The following CSMD3 variants were observed in gnomAD, a reference collection of about 807,000 sequenced individuals.
CSMD3 encodes the protein CUB and sushi domain-containing protein 3.
A neutral mutation model predicts 435.2 loss-of-function variants in CSMD3; 177 were observed. The observed-to-expected ratio is 0.41, with a 90% CI of 0.36 to 0.46. The LOEUF (loss-of-function observed/expected upper bound fraction) is 0.46. Ranked by LOEUF, CSMD3 falls within the 20% of genes least tolerant of loss-of-function variation. The pLI is 0.34. For missense variants in CSMD3, 4,265 were observed against 4,504.6 expected (o/e 0.95, Z 1.52); for synonymous variants, 1,656 against 1,520.5 (o/e 1.09, Z -2.07).
chr8:112,928,117 T>C (rs929578309), intron 9 of CSMD3, among the ~76,000 whole-genome samples: 6 of 152,242 alleles, frequency 3.9e-5, no homozygotes, highest in African/African-American at 1.2e-4. Flanking sequence ...CCTCTACTTA[T>C]ATACTTCTAT....
intron 13 of CSMD3, among the ~76,000 whole-genome samples, chr8:112,693,559 C>G (rs1177480153): frequency 1.3e-5 from 2 of 151,812 alleles, no homozygotes; most frequent in African/African-American, 4.8e-5. Flanking sequence ...TTAATCTGCC[C>G]CTTCTCCTCC....
chr8:113,168,592 G>A (rs1191089931), intron 4 of CSMD3, among the ~76,000 whole-genome samples: 2 of 136,884 alleles, frequency 1.5e-5, no homozygotes, highest in East Asian at 2.4e-4. Flanking sequence ...AATCTTTACA[G>A]TGAATAGATA....
chr8:112,643,248 T>A (rs1336908433), intron 20 of CSMD3, among the ~76,000 whole-genome samples: 2 of 151,986 alleles, frequency 1.3e-5, no homozygotes, highest in African/African-American at 4.8e-5. Context: ...ATGGAAAAAA[T>A]GAGGAATTTG....
At chr8:112,822,180 C>T (rs372740813) in intron 12 of CSMD3, among the ~76,000 whole-genome samples, 9 of 152,072 alleles carry the variant, frequency 5.9e-5, no homozygotes, top group South Asian at 2.1e-4. Context: ...TCCATAATTC[C>T]GTGAATAATG....
chr8:113,195,267 C>A (rs2092638052), intron 3 of CSMD3, among the ~76,000 whole-genome samples: 1 of 148,712 alleles, frequency 6.7e-6, no homozygotes, highest in Admixed American at 6.7e-5. Flanking sequence ...TGTTAACGAC[C>A]TTTGTATTTC....
intron 30 of CSMD3, among the ~76,000 whole-genome samples, chr8:112,502,250 C>T (rs190299454): frequency 6.6e-6 from 1 of 152,308 alleles, no homozygotes; most frequent in Non-Finnish European, 1.5e-5. Flanking sequence ...CCCCAAGCAT[C>T]TTCTGATACA....
intron 3 of CSMD3, among the ~76,000 whole-genome samples, chr8:113,195,110 TTTATA>T (rs996023433): frequency 1.1e-4 from 17 of 151,374 alleles, no homozygotes; most frequent in Middle Eastern, 3.4e-3. Flanking sequence ...TATATTGTCT[TTTATA>T]TTATATCTGC....
chr8:113,202,683 T>A (rs2092727294), intron 3 of CSMD3, among the ~76,000 whole-genome samples: 1 of 152,134 alleles, frequency 6.6e-6, no homozygotes, highest in Admixed American at 6.6e-5. Flanking sequence ...TCTTAGAACC[T>A]TATGTAGTTC....
chr8:112,989,454 T>C (rs1307301965), intron 6 of CSMD3, among the ~76,000 whole-genome samples: 1 of 152,050 alleles, frequency 6.6e-6, no homozygotes, highest in East Asian at 1.9e-4. Context: ...ATTCAATGAA[T>C]ACTACATACT....
intron 59 of CSMD3, 77 bp downstream of exon 59, chr8:112,281,097 A>C: frequency 1.8e-6 from 2 of 1,141,600 alleles, no homozygotes; most frequent in South Asian, 1.3e-5. Flanking sequence ...ATTAATTACA[A>C]AACACACAAA....
intron 13 of CSMD3, among the ~76,000 whole-genome samples, chr8:112,775,535 G>C (rs1038145619): frequency 8.2e-5 from 12 of 145,544 alleles, no homozygotes; most frequent in African/African-American, 2.8e-4. Context: ...TTAAATCGTA[G>C]CAAAAAATAT....
intron 10 of CSMD3, among the ~76,000 whole-genome samples, chr8:112,887,167 A>C (rs1484556045): frequency 6.6e-6 from 1 of 150,764 alleles, no homozygotes; most frequent in African/African-American, 2.4e-5. Context: ...TATAGTAAGC[A>C]CTGTATAAGT....
intron 4 of CSMD3, among the ~76,000 whole-genome samples, chr8:113,150,013 C>G (rs541912549): frequency 6.6e-6 from 1 of 151,450 alleles, no homozygotes; most frequent in Non-Finnish European, 1.5e-5. Context: ...AGGACAATTA[C>G]AAAATTAACT....
chr8:112,953,099 A>G (rs2083886493), intron 8 of CSMD3, among the ~76,000 whole-genome samples: 1 of 151,510 alleles, frequency 6.6e-6, no homozygotes, highest in Admixed American at 6.6e-5. Flanking sequence ...CATGTCAAAT[A>G]ACATACGTGT....
chr8:112,897,962 T>A (rs1343011563), intron 10 of CSMD3, among the ~76,000 whole-genome samples: 1 of 151,166 alleles, frequency 6.6e-6, no homozygotes, highest in Non-Finnish European at 1.5e-5. Context: ...TATTCACAAA[T>A]AACAAAATGG....
At chr8:112,644,630 GAC>G (rs1398203261) in intron 20 of CSMD3, among the ~76,000 whole-genome samples, 1 of 151,924 alleles carries the variant, frequency 6.6e-6, no homozygotes, top group African/African-American at 2.4e-5. Flanking sequence ...AAGAATCTGA[GAC>G]ACAGATATTT....
chr8:112,814,207 T>A, intron 12 of CSMD3, among the ~76,000 whole-genome samples: 1 of 152,076 alleles, frequency 6.6e-6, no homozygotes, highest in Non-Finnish European at 1.5e-5. Flanking sequence ...TCAGGGGCAA[T>A]AAGTAATCAC....
chr8:112,440,865 C>A (rs1031183598), intron 32 of CSMD3, among the ~76,000 whole-genome samples: 1 of 152,148 alleles, frequency 6.6e-6, no homozygotes, highest in Non-Finnish European at 1.5e-5. Context: ...GGCCCTGGGC[C>A]TGGCCCATGC....
Position 112,800,191 on chromosome 8 carries a change from C to A in CSMD3, c.1943G>T (p.Gly648Val). ...WLHLQTDESVGSVGFKVNYKE... is the reference protein window; with the variant it reads ...WLHLQTDESVVSVGFKVNYKE... ...GTAGTTAACCTTGAAACCAACAGATCCAACACTTTCGTCCGTTTGAAGGTG... is the reference window on the plus strand; with the variant it reads ...GTAGTTAACCTTGAAACCAACAGATACAACACTTTCGTCCGTTTGAAGGTG... The change falls in exon 13 of 71, where the codon GGA (glycine) becomes GTA (valine). Residue 648 changes from glycine to valine, a missense_variant. Coordinates refer to ENST00000297405, the MANE Select transcript of CSMD3 (RefSeq NM_198123.2). 5 of 1,612,128 alleles carry A rather than the reference C, an allele frequency of 3.1e-6. No homozygotes were observed. The highest frequency in any genetic ancestry group is 1.1e-5 in the South Asian group (1 of 91,052).
Sources: gnomAD v4.1 joint callset for allele counts (sites outside exome capture counted in the v4.1 genomes callset) on GRCh38, gnomAD v4.1.1 for gene constraint, MANE v1.5 for transcripts, NCBI Gene and HGNC (gene_info 2026-07-23, HGNC 2026-07-21) for gene names.